The following IQCK variants were observed in gnomAD, a reference collection of about 807,000 sequenced individuals.
IQCK encodes the protein IQ domain-containing protein K.
In IQCK, 29 loss-of-function variants were observed where a neutral mutation model predicts 28.1. The observed-to-expected ratio is 1.03, with a 90% CI of 0.77 to 1.41. IQCK has a LOEUF of 1.41. Among genes scored for constraint, IQCK ranks in the 40% most tolerant of loss-of-function variants. IQCK has a pLI of 0.00. For synonymous variants in IQCK, 113 were observed against 115.1 expected, an observed-to-expected ratio of 0.98 and a Z score of 0.12; for missense variants, 359 against 314.7, an observed-to-expected ratio of 1.14 and a Z score of -1.07.
chr16:19,803,872 T>C lies in IQCK; in HGVS notation c.690+14950T>C, dbSNP rs1446668671. On this transcript the variant is annotated intron_variant, in intron 7 of 7. Coordinates refer to ENST00000564186, the Ensembl canonical transcript of IQCK. The stretch of plus-strand genomic sequence containing the variant: ...TATGTTGCCCAAGCTAGTCTCGAAC[T>C]CCTGGCCTTAAGTGATTCTCTCACC... Among the ~76,000 whole-genome samples the C allele has an allele frequency of 4.6e-5, 7 of 152,172 alleles. No homozygotes were observed. The East Asian group carries it at 9.6e-4, about 21-fold the overall frequency.
intron 7 of IQCK, among the ~76,000 whole-genome samples, chr16:19,824,666 A>G (rs1330531566): frequency 6.6e-6 from 1 of 152,234 alleles, no homozygotes; most frequent in Non-Finnish European, 1.5e-5. Flanking sequence ...GTTGACACAC[A>G]TCCACATATG....
chr16:19,838,580 GCATTGCCTACCTGTGGCTGCCAA>G (rs2056325544), intron 9 of IQCK, among the ~76,000 whole-genome samples: 1 of 152,188 alleles, frequency 6.6e-6, no homozygotes, highest in Non-Finnish European at 1.5e-5. Flanking sequence ...CTACAGGACA[GCATTGCCTACCTGTGGCTGCCAA>G]ACGTTGCGTG....
intron 9 of IQCK, among the ~76,000 whole-genome samples, chr16:19,837,763 T>G (rs972752047): frequency 6.6e-6 from 1 of 152,236 alleles, no homozygotes; most frequent in African/African-American, 2.4e-5. Context: ...TTATAAGCTG[T>G]GTCAGGCTAG....
intron 9 of IQCK, among the ~76,000 whole-genome samples, chr16:19,850,564 G>A (rs1427291012): frequency 3.3e-5 from 5 of 152,248 alleles, no homozygotes; most frequent in South Asian, 2.1e-4. Context: ...GCCCCAGCAC[G>A]GTTGTGGTCC....
chr16:19,744,319 T>TG (rs1446769318), intron 4 of IQCK, among the ~76,000 whole-genome samples: 1 of 152,200 alleles, frequency 6.6e-6, no homozygotes, highest in Non-Finnish European at 1.5e-5. Flanking sequence ...TTTTTAGAGA[T>TG]GGGGTCTCAC....
chr16:19,779,562 C>T (rs1312549843), intron 6 of IQCK, among the ~76,000 whole-genome samples: 1 of 152,122 alleles, frequency 6.6e-6, no homozygotes, highest in Non-Finnish European at 1.5e-5. Flanking sequence ...CATCTGCCAT[C>T]TGGATAGCAG....
intron 4 of IQCK, among the ~76,000 whole-genome samples, chr16:19,740,868 T>C (rs928215867): frequency 6.0e-5 from 9 of 150,618 alleles, no homozygotes; most frequent in Non-Finnish European, 1.3e-4. Context: ...CTCGGGAGGC[T>C]GAGGCAGGAG....
chr16:19,823,697 G>A (rs1379364624), intron 7 of IQCK, among the ~76,000 whole-genome samples: 1 of 152,190 alleles, frequency 6.6e-6, no homozygotes, highest in Non-Finnish European at 1.5e-5. Context: ...AGCACTTTGG[G>A]ACGCCGAGGT....
At chr16:19,736,690 G>A (rs1978024912) in intron 4 of IQCK, among the ~76,000 whole-genome samples, 1 of 152,174 alleles carries the variant, frequency 6.6e-6, no homozygotes, top group Non-Finnish European at 1.5e-5. Context: ...TTTGCTGAGT[G>A]CTGCATCTTC....
chr16:19,773,817 A>C (rs933172405), intron 6 of IQCK, among the ~76,000 whole-genome samples: 2 of 152,216 alleles, frequency 1.3e-5, no homozygotes, highest in African/African-American at 2.4e-5. Context: ...ATTAGAAGTA[A>C]GTAGTAGGTG....
chr16:19,847,256 A>T (rs2056424603), intron 9 of IQCK, among the ~76,000 whole-genome samples: 1 of 151,924 alleles, frequency 6.6e-6, no homozygotes, highest in South Asian at 2.1e-4. Flanking sequence ...GGTGTGTAAG[A>T]CTCTTTGAGG....
chr16:19,812,797 T>C (rs1490191714), intron 7 of IQCK, among the ~76,000 whole-genome samples: 5 of 152,158 alleles, frequency 3.3e-5, no homozygotes, highest in African/African-American at 1.2e-4. Flanking sequence ...AGAAAAAATA[T>C]ATAAATCTTG....
chr16:19,812,352 G>A (rs1359436429), intron 7 of IQCK, among the ~76,000 whole-genome samples: 1 of 152,214 alleles, frequency 6.6e-6, no homozygotes, highest in East Asian at 1.9e-4. Context: ...CAATAGGGAA[G>A]CTGGGGGCTA....
intron 4 of IQCK, among the ~76,000 whole-genome samples, chr16:19,749,731 A>G (rs1033535557): frequency 2.3e-4 from 35 of 151,876 alleles, no homozygotes; most frequent in Non-Finnish European, 4.6e-4. Flanking sequence ...GCAGCACTGC[A>G]CTCCAGCCTG....
chr16:19,856,365 C>G (rs2056562068), intron 9 of IQCK, 122 bp from the exon 9 acceptor site: 3 of 711,946 alleles, frequency 4.2e-6, no homozygotes, highest in Non-Finnish European at 7.4e-6. Context: ...CCATGAATAG[C>G]AGGCGCACAG....
At chr16:19,786,911 A>G (rs2055571333) in intron 6 of IQCK, among the ~76,000 whole-genome samples, 1 of 81,824 alleles carries the variant, frequency 1.2e-5, no homozygotes, top group Non-Finnish European at 2.0e-5. Flanking sequence ...AAAGGAAAGA[A>G]AAAGGAAGAA....
chr16:19,736,234 A>G, intron 4 of IQCK: 2 of 445,880 alleles, frequency 4.5e-6, no homozygotes, highest in Non-Finnish European at 8.9e-6. Flanking sequence ...ACTGCAGAGA[A>G]TCAGCTTCTC....
intron 9 of IQCK, among the ~76,000 whole-genome samples, chr16:19,845,660 A>T (rs941248458): frequency 6.6e-6 from 1 of 152,266 alleles, no homozygotes; most frequent in African/African-American, 2.4e-5. Context: ...CTATAAATAC[A>T]TATGAATAAC....
At chr16:19,763,178 A>G (rs2055175068) in intron 4 of IQCK, among the ~76,000 whole-genome samples, 1 of 152,218 alleles carries the variant, frequency 6.6e-6, no homozygotes, top group Admixed American at 6.5e-5. Context: ...TTGACTTACC[A>G]GTAACACAAA....
Sources: gnomAD v4.1 joint callset for allele counts (sites outside exome capture counted in the v4.1 genomes callset) on GRCh38, gnomAD v4.1.1 for gene constraint, MANE v1.5 for transcripts, NCBI Gene and HGNC (gene_info 2026-07-23, HGNC 2026-07-21) for gene names.